Variants in BNIP3 observed in about 807,000 individuals in gnomAD.
BNIP3 encodes the protein BCL2/adenovirus E1B 19 kDa protein-interacting protein 3.
Under a neutral mutation model 23.9 loss-of-function variants are expected in BNIP3, and 16 were observed. That is an observed-to-expected ratio of 0.67 (90% CI 0.45 to 1.01). The LOEUF (loss-of-function observed/expected upper bound fraction) is 1.01. BNIP3 is among the 50% of genes least tolerant of loss of function. The pLI is 0.00. For synonymous variants in BNIP3, 81 were observed against 89.3 expected, an observed-to-expected ratio of 0.91 and a Z score of 0.53; for missense variants, 198 against 248.7, an observed-to-expected ratio of 0.80 and a Z score of 1.37.
intron 1 of BNIP3, among the ~76,000 whole-genome samples, chr10:131,979,763 A>G (rs1323522754): frequency 6.6e-6 from 1 of 152,250 alleles, no homozygotes; most frequent in Admixed American, 6.5e-5. Context: ...GAATCAGCCC[A>G]TTTTGCCATT....
rs759466204 is a variant in BNIP3 at position 131,973,843 on chromosome 10, G to A, written c.147C>T (p.Asp49=). The stretch of plus-strand genomic sequence containing the variant: ...TACTCCGTCCAGACTCATGCTGTGC[G>A]TCCAGCAGTATTTTTTCCATGTCTC... ...YNGDMEKILL[D]AQHESGRSSS... The change falls in exon 2 of 6, where the codon GAC becomes GAT. Residue 49 remains aspartate, a synonymous_variant. Transcript: ENST00000368636. The A allele has an allele frequency of 2.2e-5, 35 of 1,612,526 alleles. No homozygotes were observed. The highest frequency in any genetic ancestry group is 8.8e-5 in the South Asian group (8 of 91,020).
At chr10:131,980,875 G>A (rs2037113755) in intron 1 of BNIP3, 1 of 152,226 alleles carries the variant, frequency 6.6e-6, no homozygotes. Flanking sequence ...CCTCCTCCGA[G>A]GCTTTGGCCC....
Position 131,976,084 on chromosome 10 carries a change from C to T in BNIP3, c.47-2141G>A, listed in dbSNP as rs45482892. ...CCTCTCTGCGGTTCAAGATGCCATG[C>T]GGCCGGCTAGCCATGGCCTGCCCCT... On this transcript the variant is annotated intron_variant, in intron 1 of 5. Coordinates refer to ENST00000368636, the MANE Select transcript of BNIP3 (RefSeq NM_004052.4). This position sits in a 1 kb window ranked among gnomAD's most constrained non-coding sequence, Gnocchi z 4.3. Among the ~76,000 whole-genome samples the T allele has an allele frequency of 5.1e-3, 781 of 152,332 alleles. 7 individuals carry two copies. Among genetic ancestry groups the T allele is most frequent in the African/African-American group, 0.017 (701 of 41,574 alleles).
intron 1 of BNIP3, among the ~76,000 whole-genome samples, chr10:131,975,614 A>G (rs1321065641): frequency 2.6e-5 from 4 of 152,164 alleles, no homozygotes; most frequent in Admixed American, 1.3e-4. Context: ...CTTTCCACAC[A>G]CACGAGGCAT....
At position 131,970,712 on chromosome 10, in the gene BNIP3, G is replaced by A; in HGVS notation, c.465C>T (p.Gly155=). The A allele has an allele frequency of 3.1e-6, 5 of 1,614,214 alleles. No individual in the cohort carries two copies. The highest frequency in any genetic ancestry group is 4.2e-6 in the Non-Finnish European group (5 of 1,180,030). The change falls in exon 5 of 6, where the codon GGC becomes GGT. Residue 155 remains glycine, a synonymous_variant. Coordinates refer to ENST00000368636, the MANE Select transcript of BNIP3 (RefSeq NM_004052.4). This position sits in a 1 kb window ranked among gnomAD's most constrained non-coding sequence, Gnocchi z 4.1. The stretch of plus-strand genomic sequence containing the variant: ...CTTTCAGAAATTCTGCAGAGAATAT[G>A]CCCCCTTTCTTCATGACGCTCGTGT... ...MRNTSVMKKG[G]IFSAEFLKVF...
At chr10:131,979,396 A>C (rs1240861835) in intron 1 of BNIP3, among the ~76,000 whole-genome samples, 1 of 152,228 alleles carries the variant, frequency 6.6e-6, no homozygotes, top group Non-Finnish European at 1.5e-5. Flanking sequence ...TTGCAGACAC[A>C]GCAGTGGGTG....
intron 3 of BNIP3, chr10:131,971,630 G>A (rs1032993414): frequency 6.6e-5 from 10 of 152,208 alleles, no homozygotes; most frequent in African/African-American, 2.4e-4. Flanking sequence ...GTGTAAAACA[G>A]TGAAAACGGC....
In BNIP3 at chr10:131,977,977, G is replaced by A. The variant is rs560097321; in HGVS notation, c.46+3784C>T. Among the ~76,000 whole-genome samples, 17 of 152,256 alleles carry A rather than the reference G, an allele frequency of 1.1e-4. No homozygotes were observed. In the East Asian group the frequency reaches 1.4e-3, roughly 12 times the overall value. On this transcript the variant is annotated intron_variant, in intron 1 of 5. Transcript: ENST00000368636. ...CGTGTTACAGTTCTCCACTCGGATCGTTCACCTTTTCAAAGAAAGATGGGC... is the reference window on the plus strand; with the variant it reads ...CGTGTTACAGTTCTCCACTCGGATCATTCACCTTTTCAAAGAAAGATGGGC...
In BNIP3 at chr10:131,973,774, CTTG is replaced by C. The variant is rs1382555633; in HGVS notation, c.197+16_197+18del. 2 of 1,611,498 alleles carry C rather than the reference CTTG, an allele frequency of 1.2e-6. No homozygotes were observed. Among genetic ancestry groups the C allele is most frequent in the African/African-American group, 1.3e-5 (1 of 74,872 alleles). On this transcript the variant is annotated intron_variant, in intron 2 of 5. Coordinates refer to ENST00000368636, the MANE Select transcript of BNIP3 (RefSeq NM_004052.4). ...AGACATCGGCACTGTAACACATACA[CTTG>C]TTGATGCGCGCCTACCTGTCACAGT...
intron 2 of BNIP3, 92 bp from the exon 3 acceptor site, chr10:131,973,210 G>A (rs1376553077): frequency 9.4e-6 from 12 of 1,278,714 alleles, no homozygotes; most frequent in East Asian, 4.7e-5. Flanking sequence ...AACCGCCTCC[G>A]TGATGAGGGG....
At chr10:131,972,371 G>A (rs915776589) in intron 3 of BNIP3, among the ~76,000 whole-genome samples, 1 of 152,044 alleles carries the variant, frequency 6.6e-6, no homozygotes, top group African/African-American at 2.4e-5. Context: ...GGGAGACCCC[G>A]TCTCTACAAA....
In BNIP3 at chr10:131,970,745, G is replaced by A; in HGVS notation, c.432C>T (p.Ser144=). 1 of 1,614,190 alleles carries A rather than the reference G, an allele frequency of 6.2e-7. No homozygotes were observed. The change falls in exon 5 of 6, where the codon AGC becomes AGT. Residue 144 remains serine, a synonymous_variant. Coordinates refer to ENST00000368636, the MANE Select transcript of BNIP3 (RefSeq NM_004052.4). This position sits in a 1 kb window ranked among gnomAD's most constrained non-coding sequence, Gnocchi z 4.1. ...FKHPKRTATL[S]MRNTSVMKKG... is the part of the protein sequence containing the mutation. Reference sequence around the variant, plus strand: ...TCTTCATGACGCTCGTGTTCCTCATGCTGAGGGTGGCCGTGCGCTTCGGGT... The same window carrying A: ...TCTTCATGACGCTCGTGTTCCTCATACTGAGGGTGGCCGTGCGCTTCGGGT...
At chr10:131,978,549 C>A (rs920997313) in intron 1 of BNIP3, among the ~76,000 whole-genome samples, 1 of 152,164 alleles carries the variant, frequency 6.6e-6, no homozygotes, top group African/African-American at 2.4e-5. Flanking sequence ...GCCACAGCCA[C>A]GAGCCCCACG....
intron 1 of BNIP3, among the ~76,000 whole-genome samples, chr10:131,978,161 C>T (rs1265424893): frequency 6.6e-6 from 1 of 152,126 alleles, no homozygotes; most frequent in Non-Finnish European, 1.5e-5. Context: ...GCGTCCCTCT[C>T]ATGTTCCTCC....
At chr10:131,980,352 A>G (rs1484625781) in intron 1 of BNIP3, 1 of 152,228 alleles carries the variant, frequency 6.6e-6, no homozygotes, top group African/African-American at 2.4e-5. Flanking sequence ...TTATTTTATG[A>G]CAAAAGATAG....
intron 3 of BNIP3, chr10:131,971,274 C>T (rs2037030640): frequency 2.4e-6 from 1 of 409,372 alleles, no homozygotes; most frequent in Non-Finnish European, 4.6e-6. Flanking sequence ...GCGGCAAACA[C>T]TGTCCTAGGG....
intron 3 of BNIP3, among the ~76,000 whole-genome samples, chr10:131,972,030 A>G (rs952193328): frequency 1.3e-5 from 1 of 75,832 alleles, no homozygotes; most frequent in Middle Eastern, 5.3e-3. Context: ...ACGAACACCC[A>G]AGAAAACACA....
intron 1 of BNIP3, among the ~76,000 whole-genome samples, chr10:131,974,239 C>T (rs1328586218): frequency 1.3e-5 from 2 of 152,184 alleles, no homozygotes; most frequent in East Asian, 3.8e-4. Context: ...GCTGAGTCAA[C>T]AGAATCCAAT....
At position 131,970,453 on chromosome 10, in the gene BNIP3, G is replaced by C. The variant is rs1282109289; in HGVS notation, c.539+185C>G. On this transcript the variant is annotated intron_variant, in intron 5 of 5. Transcript: ENST00000368636. The surrounding 1 kb of genome is among the most constrained non-coding windows in gnomAD (Gnocchi z 4.1). ...GCAGCACCACAGGGCGCCTGTGCTG[G>C]GGCCTTTGGGGGCTGCAGGCTGGTG... The C allele has an allele frequency of 8.5e-6, 7 of 824,314 alleles. No homozygotes were observed. In the South Asian group the frequency reaches 1.1e-4, roughly 13 times the overall value. 51.1% of individuals were successfully genotyped at this position (824,314 alleles called of 1,614,324 possible).
Sources: gnomAD v4.1 joint callset for allele counts (sites outside exome capture counted in the v4.1 genomes callset) on GRCh38, gnomAD v4.1.1 for gene constraint, Gnocchi (gnomAD v3.1) non-coding constraint, MANE v1.5 for transcripts, NCBI Gene and HGNC (gene_info 2026-07-23, HGNC 2026-07-21) for gene names.